RBFOX2: variants seen among roughly 807,000 people sequenced by gnomAD.
RBFOX2 encodes the protein RNA binding fox-1 homolog 2.
In RBFOX2, 10 loss-of-function variants were observed where a neutral mutation model predicts 49.1. The ratio of observed to expected loss-of-function variants is 0.20; its 90% CI spans 0.13 to 0.35. The LOEUF is 0.35. RBFOX2 is among the 10% of genes least tolerant of loss of function. The pLI, the probability that RBFOX2 is intolerant of heterozygous loss-of-function variation, is 1.00. For missense variants in RBFOX2, 323 were observed against 486.9 expected (o/e 0.66, Z 3.17); for synonymous variants, 183 against 187.4 (o/e 0.98, Z 0.19).
upstream of RBFOX2, among the ~76,000 whole-genome samples, chr22:35,962,707 G>A (rs1049531354): frequency 6.6e-6 from 1 of 151,962 alleles, no homozygotes; most frequent in African/African-American, 2.4e-5. Flanking sequence ...TATTTTCTTT[G>A]CTTAATCCAA....
chr22:35,888,945 A>G (rs1333853235), intron 1 of RBFOX2, among the ~76,000 whole-genome samples: 1 of 152,152 alleles, frequency 6.6e-6, no homozygotes, highest in Non-Finnish European at 1.5e-5. Flanking sequence ...TCTTCAGGTC[A>G]GGAGTTCAAG....
chr22:35,950,885 G>C (rs1442340101), intron 1 of RBFOX2, among the ~76,000 whole-genome samples: 1 of 150,446 alleles, frequency 6.6e-6, no homozygotes, highest in African/African-American at 2.4e-5. Context: ...TATATCTGCT[G>C]TTATTTAGAG....
intron 1 of RBFOX2, chr22:35,998,961 AG>A (rs1215097607): frequency 6.6e-6 from 1 of 152,540 alleles, no homozygotes; most frequent in East Asian, 1.9e-4. Context: ...AATTAGCCAC[AG>A]TGGCAGCCAC....
chr22:35,872,921 A>G (rs917910198), intron 1 of RBFOX2, among the ~76,000 whole-genome samples: 1 of 152,152 alleles, frequency 6.6e-6, no homozygotes, highest in African/African-American at 2.4e-5. Flanking sequence ...AGCCCTAGCC[A>G]GGGGTCACCT....
chr22:35,821,526 G>A (rs1227770041), intron 1 of RBFOX2, among the ~76,000 whole-genome samples: 1 of 149,964 alleles, frequency 6.7e-6, no homozygotes. Context: ...AACCTGGGAG[G>A]TGGAGGTGGA....
chr22:35,827,671 T>C lies in RBFOX2; in HGVS notation c.27+12521A>G, dbSNP rs1255455892. Among the ~76,000 whole-genome samples, 3 of 152,324 alleles carry C rather than the reference T, an allele frequency of 2.0e-5. No individual in the cohort carries two copies. The East Asian group carries it at 5.8e-4, about 29-fold the overall frequency. On this transcript the variant is annotated intron_variant, in intron 1 of 11. Transcript: ENST00000405409. ...AGCTTTTAACAACACTTTACTGACA[T>C]CATTTTCATGTAATTTACTGTATCC...
intron 1 of RBFOX2, among the ~76,000 whole-genome samples, chr22:35,923,142 G>A (rs1415077717): frequency 6.6e-6 from 1 of 152,154 alleles, no homozygotes; most frequent in Non-Finnish European, 1.5e-5. Context: ...ATACTTATCA[G>A]CAATCCTATA....
intron 1 of RBFOX2, among the ~76,000 whole-genome samples, chr22:36,017,905 TTC>T (rs2059104287): frequency 1.3e-5 from 2 of 152,196 alleles, no homozygotes; most frequent in African/African-American, 2.4e-5. Flanking sequence ...CTACCCCAGC[TTC>T]TGTTTTCAGA....
chr22:35,794,909 T>G (rs1381538439), intron 2 of RBFOX2, among the ~76,000 whole-genome samples: 2 of 152,072 alleles, frequency 1.3e-5, no homozygotes, highest in Non-Finnish European at 2.9e-5. Context: ...AGTAGGTAAG[T>G]AAATAAACCA....
At chr22:35,894,681 C>T (rs1029743478) in intron 1 of RBFOX2, among the ~76,000 whole-genome samples, 1 of 152,140 alleles carries the variant, frequency 6.6e-6, no homozygotes, top group Non-Finnish European at 1.5e-5. Context: ...AAAAACCTAA[C>T]ACCTTGGAAC....
chr22:35,777,382 C>A (rs918693557), intron 4 of RBFOX2, among the ~76,000 whole-genome samples: 4 of 152,100 alleles, frequency 2.6e-5, no homozygotes, highest in Non-Finnish European at 4.4e-5. Flanking sequence ...AAAATACACA[C>A]GTAAAAGTAC....
intron 1 of RBFOX2, among the ~76,000 whole-genome samples, chr22:35,846,366 G>GTA (rs2041212943): frequency 6.7e-6 from 1 of 149,884 alleles, no homozygotes; most frequent in Non-Finnish European, 1.5e-5. Flanking sequence ...GTGTGTGTGT[G>GTA]TGTACTGCTT....
exon 12 of RBFOX2, chr22:35,738,965 G>A (rs1941745400): frequency 6.6e-6 from 1 of 152,572 alleles, no homozygotes; most frequent in Non-Finnish European, 1.5e-5. Context: ...AATACTGTAT[G>A]GTCTGAAAGC....
intron 2 of RBFOX2, among the ~76,000 whole-genome samples, chr22:35,790,511 T>C (rs910393159): frequency 6.6e-6 from 1 of 152,124 alleles, no homozygotes; most frequent in East Asian, 1.9e-4. Flanking sequence ...GGATTCAGAA[T>C]AGAGAAAAAG....
chr22:35,939,305 A>G (rs2053456144), upstream of RBFOX2: 1 of 456,504 alleles, frequency 2.2e-6, no homozygotes, highest in Non-Finnish European at 4.4e-6. Flanking sequence ...TTGTTGGTTT[A>G]TTTCCAAATG....
At chr22:35,795,279 G>A (rs1317823149) in intron 2 of RBFOX2, among the ~76,000 whole-genome samples, 3 of 152,078 alleles carry the variant, frequency 2.0e-5, no homozygotes, top group African/African-American at 7.2e-5. Context: ...TTGGAAAAGT[G>A]GATGGCTGAA....
At chr22:35,938,378 CTT>C (rs1876403623) in intron 1 of RBFOX2, among the ~76,000 whole-genome samples, 1 of 152,172 alleles carries the variant, frequency 6.6e-6, no homozygotes, top group South Asian at 2.1e-4. Flanking sequence ...GTGGCAGAAA[CTT>C]TGCTTTCTCA....
intron 2 of RBFOX2, among the ~76,000 whole-genome samples, chr22:35,791,448 C>G (rs1947634979): frequency 6.7e-6 from 1 of 150,246 alleles, no homozygotes; most frequent in Admixed American, 6.6e-5. Context: ...AATATTAAAA[C>G]ACTAAAAATG....
intron 2 of RBFOX2, among the ~76,000 whole-genome samples, chr22:35,789,248 A>G (rs150213508): frequency 2.4e-4 from 37 of 152,276 alleles, no homozygotes; most frequent in African/African-American, 8.2e-4. Flanking sequence ...GGAATTGTGG[A>G]TAAGAGACCG....
Sources: gnomAD v4.1 joint callset for allele counts (sites outside exome capture counted in the v4.1 genomes callset) on GRCh38, gnomAD v4.1.1 for gene constraint, MANE v1.5 for transcripts, NCBI Gene and HGNC (gene_info 2026-07-23, HGNC 2026-07-21) for gene names.